The following GPHN variants were observed in gnomAD, a reference collection of about 807,000 sequenced individuals.
GPHN encodes gephyrin.
In GPHN, 17 loss-of-function variants were observed where a neutral mutation model predicts 95.5. That is an observed-to-expected ratio of 0.18 (90% confidence interval 0.12 to 0.27). The LOEUF is 0.27. Among genes scored for constraint, GPHN ranks in the 10% least tolerant of loss-of-function variants. The pLI is 1.00. For missense variants in GPHN, 660 were observed against 978.1 expected, an observed-to-expected ratio of 0.67 and a Z score of 4.34; for synonymous variants, 320 against 322.5, an observed-to-expected ratio of 0.99 and a Z score of 0.08.
chr14:67,369,020 C>A, the GPHN span, among the ~76,000 whole-genome samples: 17 of 152,234 alleles, frequency 1.1e-4, no homozygotes, highest in Admixed American at 4.6e-4. Context: ...TTCAATTATT[C>A]AGTTATTGAT....
chr14:66,509,182 G>C (rs1028937782), intron 1 of GPHN: 2 of 154,852 alleles, frequency 1.3e-5, no homozygotes, highest in Admixed American at 6.4e-5. Flanking sequence ...CCTCCCTCGG[G>C]GGATGGGGGA....
chr14:67,692,234 GTTTTGAA>G, the GPHN span: 3 of 567,316 alleles, frequency 5.3e-6, no homozygotes, highest in Non-Finnish European at 9.2e-6. Flanking sequence ...CTGCTATGAC[GTTTTGAA>G]TTCATTTTTT....
intron 2 of GPHN, among the ~76,000 whole-genome samples, chr14:66,725,739 A>G (rs2071175408): frequency 6.6e-6 from 1 of 152,220 alleles, no homozygotes; most frequent in Non-Finnish European, 1.5e-5. Flanking sequence ...ATGAAAATAC[A>G]GAATACTGAA....
At chr14:66,865,446 A>C (rs1269880053) in intron 4 of GPHN, among the ~76,000 whole-genome samples, 1 of 152,162 alleles carries the variant, frequency 6.6e-6, no homozygotes, top group Non-Finnish European at 1.5e-5. Context: ...GATTACAAAA[A>C]GTCTGATAGT....
At chr14:66,949,993 G>GAAAAA (rs71129809) in intron 8 of GPHN, among the ~76,000 whole-genome samples, 144 of 57,410 alleles carry the variant, frequency 2.5e-3, no homozygotes, top group Non-Finnish European at 3.4e-3. Context: ...TTTAGGACAG[G>GAAAAA]AAAAAAAAAA....
chr14:66,704,614 G>A (rs1187953419), intron 2 of GPHN, among the ~76,000 whole-genome samples: 1 of 152,070 alleles, frequency 6.6e-6, no homozygotes, highest in Non-Finnish European at 1.5e-5. Context: ...TGAATCCATT[G>A]AGAACAAAGA....
At chr14:67,409,626 A>T in the GPHN span, among the ~76,000 whole-genome samples, 1 of 151,788 alleles carries the variant, frequency 6.6e-6, no homozygotes, top group Non-Finnish European at 1.5e-5. Context: ...AGGCCCAGTG[A>T]GCTCCTTGCA....
the GPHN span, among the ~76,000 whole-genome samples, chr14:67,468,122 C>T: frequency 6.0e-4 from 91 of 152,128 alleles, no homozygotes; most frequent in Admixed American, 2.3e-3. Flanking sequence ...TACAGGCATA[C>T]GCTACCACAC....
rs1596202352 is a variant in GPHN, at chr14:66,866,265, T to A, written c.295-13674T>A. ...TCTGAAGAACAGGAATGAGTAACTC[T>A]TTTTTTTAACGTAGGTTGAAAGACA... On this transcript the variant is annotated intron_variant, in intron 4 of 22. Transcript: ENST00000478722. Among the ~76,000 whole-genome samples, 2 of 147,950 alleles carry A rather than the reference T, an allele frequency of 1.4e-5. 1 individual carries two copies. The highest frequency in any genetic ancestry group is 4.2e-4 in the South Asian group (2 of 4,734).
the GPHN span, among the ~76,000 whole-genome samples, chr14:67,548,918 G>T: frequency 6.6e-6 from 1 of 152,238 alleles, no homozygotes; most frequent in African/African-American, 2.4e-5. Context: ...TTTCTGAGTG[G>T]ATAAATGGTT....
intron 3 of GPHN, among the ~76,000 whole-genome samples, chr14:66,821,419 C>G (rs1369902233): frequency 6.6e-6 from 1 of 152,156 alleles, no homozygotes; most frequent in Non-Finnish European, 1.5e-5. Context: ...CGTGACACCA[C>G]TGGTGCCAGT....
chr14:67,077,015 T>G (rs571789832), intron 11 of GPHN, among the ~76,000 whole-genome samples: 40 of 152,292 alleles, frequency 2.6e-4, no homozygotes, highest in African/African-American at 8.9e-4. Flanking sequence ...TAAGTGACTT[T>G]GAGAAATTAG....
the GPHN span, among the ~76,000 whole-genome samples, chr14:67,489,020 C>T: frequency 2.0e-5 from 3 of 151,994 alleles, no homozygotes; most frequent in South Asian, 4.2e-4. Flanking sequence ...AGAGTAGATC[C>T]CAGGGGACAG....
At chr14:66,509,207 G>A (rs2139654158) in intron 1 of GPHN, 1 of 154,164 alleles carries the variant, frequency 6.5e-6, no homozygotes, top group East Asian at 1.9e-4. Flanking sequence ...CTTGCGTCCG[G>A]ACCTCGGAAA....
intron 3 of GPHN, among the ~76,000 whole-genome samples, chr14:66,785,407 T>C (rs2059737664): frequency 6.6e-6 from 1 of 151,940 alleles, no homozygotes; most frequent in Non-Finnish European, 1.5e-5. Context: ...TTAAAAAGCA[T>C]TAGTGGCTGT....
chr14:67,154,441 A>G (rs2081462986), intron 18 of GPHN, among the ~76,000 whole-genome samples: 1 of 152,144 alleles, frequency 6.6e-6, no homozygotes, highest in South Asian at 2.1e-4. Flanking sequence ...CTCCAGTAAA[A>G]TGTAACAGGA....
the GPHN span, among the ~76,000 whole-genome samples, chr14:67,293,506 G>A: frequency 6.6e-6 from 1 of 152,090 alleles, no homozygotes; most frequent in South Asian, 2.1e-4. Flanking sequence ...AGGTTAGAAG[G>A]TACTTTGTAG....
intron 1 of GPHN, among the ~76,000 whole-genome samples, chr14:66,571,240 A>G (rs546044724): frequency 1.3e-5 from 2 of 152,262 alleles, no homozygotes; most frequent in South Asian, 4.1e-4. Flanking sequence ...AGCCCCTTAG[A>G]AAACCATCAG....
the GPHN span, among the ~76,000 whole-genome samples, chr14:67,618,009 G>A: frequency 5.3e-5 from 8 of 152,092 alleles, no homozygotes; most frequent in Non-Finnish European, 4.4e-5. Flanking sequence ...GTGAGCCACC[G>A]CGCCCAGCGG....
Sources: allele counts gnomAD v4.1 joint callset (sites outside exome capture counted in the v4.1 genomes callset), GRCh38; gene constraint gnomAD v4.1.1; transcripts MANE v1.5; gene names NCBI Gene and HGNC (gene_info 2026-07-23, HGNC 2026-07-21).